PTPRT: variants seen among roughly 807,000 people sequenced by gnomAD.
The protein encoded by PTPRT is receptor-type tyrosine-protein phosphatase T.
In PTPRT, 56 loss-of-function variants were observed where a neutral mutation model predicts 176.8. That is an observed-to-expected ratio of 0.32 (90% CI 0.26 to 0.40). The LOEUF (loss-of-function observed/expected upper bound fraction) is 0.40, where lower values mean the gene tolerates loss of function less well. Among genes scored for constraint, PTPRT ranks in the 10% least tolerant of loss-of-function variants. The probability of loss-of-function intolerance (pLI) is 1.00; values close to 1 mark genes in which losing one functional copy is unlikely to be tolerated. For missense variants in PTPRT, 1,540 were observed against 1,908.2 expected (o/e 0.81, Z 3.60); for synonymous variants, 783 against 739.0 (o/e 1.06, Z -0.96).
At chr20:42,470,439 C>T (rs910915443) in intron 8 of PTPRT, among the ~76,000 whole-genome samples, 2 of 152,146 alleles carry the variant, frequency 1.3e-5, no homozygotes, top group Admixed American at 1.3e-4. Context: ...TCCCTCACTC[C>T]CCTCCCAGTC....
At chr20:42,963,959 T>C (rs1213226335) in intron 1 of PTPRT, among the ~76,000 whole-genome samples, 3 of 152,188 alleles carry the variant, frequency 2.0e-5, no homozygotes, top group African/African-American at 7.2e-5. Flanking sequence ...ATCCAGTTAT[T>C]GCTGCTGCCT....
chr20:42,043,508 G>A, the PTPRT span, among the ~76,000 whole-genome samples: 17 of 152,130 alleles, frequency 1.1e-4, no homozygotes, highest in Non-Finnish European at 1.5e-4. Flanking sequence ...TGAGTTCTCC[G>A]GTTCTCACTT....
intron 9 of PTPRT, among the ~76,000 whole-genome samples, chr20:42,392,274 C>G (rs866516848): frequency 1.3e-5 from 2 of 152,134 alleles, no homozygotes; most frequent in African/African-American, 4.8e-5. Context: ...TCCCTCTATT[C>G]TGTAAGTCAA....
At chr20:43,081,977 T>A (rs2011454340) in intron 1 of PTPRT, among the ~76,000 whole-genome samples, 1 of 152,220 alleles carries the variant, frequency 6.6e-6, no homozygotes, top group African/African-American at 2.4e-5. Context: ...CTTCCTGGAA[T>A]ATTGTGGTAT....
chr20:42,092,148 G>A (rs753993456), intron 27 of PTPRT, among the ~76,000 whole-genome samples: 37 of 152,296 alleles, frequency 2.4e-4, no homozygotes, highest in Non-Finnish European at 4.3e-4. Context: ...TGGGCAACAG[G>A]GTCAGGGGAA....
At chr20:43,016,628 C>G (rs1011025789) in intron 1 of PTPRT, among the ~76,000 whole-genome samples, 2 of 148,172 alleles carry the variant, frequency 1.3e-5, no homozygotes, top group Non-Finnish European at 3.0e-5. Context: ...CAACCTCCCC[C>G]TCTTGGCTTC....
intron 16 of PTPRT, among the ~76,000 whole-genome samples, chr20:42,175,346 C>T (rs1990247681): frequency 6.6e-6 from 1 of 152,174 alleles, no homozygotes; most frequent in Non-Finnish European, 1.5e-5. Flanking sequence ...AATTCTCGCC[C>T]ACCTGAGAAT....
In PTPRT at chr20:42,105,560, C is replaced by A. The variant is rs532088026; in HGVS notation, c.3391-842G>T. On this transcript the variant is annotated intron_variant, in intron 24 of 30. Coordinates refer to ENST00000373187, the MANE Select transcript of PTPRT (RefSeq NM_007050.6). Reference sequence around the variant, plus strand: ...ATAAATGTTTGTTGAGTGACTTTTTCTGCAGAACTTGGTCAGTTTCTCTAT... The same window carrying A: ...ATAAATGTTTGTTGAGTGACTTTTTATGCAGAACTTGGTCAGTTTCTCTAT... Among the ~76,000 whole-genome samples, 5 of 152,296 alleles carry A rather than the reference C, an allele frequency of 3.3e-5. No individual in the cohort carries two copies. In the South Asian group the frequency reaches 6.2e-4, roughly 19 times the overall value.
At chr20:43,183,568 T>G (rs562413839) in intron 1 of PTPRT, among the ~76,000 whole-genome samples, 1 of 152,368 alleles carries the variant, frequency 6.6e-6, no homozygotes, top group Non-Finnish European at 1.5e-5. Context: ...GGTACTATTC[T>G]ATACCTTTTA....
chr20:42,753,167 C>T (rs957486176), intron 6 of PTPRT, among the ~76,000 whole-genome samples: 2 of 152,106 alleles, frequency 1.3e-5, no homozygotes, highest in Admixed American at 6.5e-5. Flanking sequence ...AACAGCAAGA[C>T]CACAACCCAC....
At chr20:42,744,682 G>A (rs1016251848) in intron 6 of PTPRT, among the ~76,000 whole-genome samples, 1 of 152,138 alleles carries the variant, frequency 6.6e-6, no homozygotes, top group East Asian at 1.9e-4. Context: ...GGCCTGCTTA[G>A]CAGACAATTT....
intron 1 of PTPRT, among the ~76,000 whole-genome samples, chr20:42,967,440 G>A (rs1212884967): frequency 6.6e-6 from 1 of 152,114 alleles, no homozygotes; most frequent in East Asian, 1.9e-4. Flanking sequence ...TGGAGATCAA[G>A]GCAGAGAGGG....
intron 12 of PTPRT, among the ~76,000 whole-genome samples, chr20:42,311,996 T>C (rs2057639536): frequency 6.6e-6 from 1 of 152,246 alleles, no homozygotes; most frequent in Non-Finnish European, 1.5e-5. Flanking sequence ...GTTGATAAAA[T>C]AGTGAATTAT....
intron 1 of PTPRT, among the ~76,000 whole-genome samples, chr20:42,952,257 T>C (rs1981301035): frequency 6.6e-6 from 1 of 152,176 alleles, no homozygotes; most frequent in Non-Finnish European, 1.5e-5. Context: ...GGCCCATCCA[T>C]CGCAGTTGGC....
At chr20:42,662,483 A>T (rs1288046533) in intron 7 of PTPRT, among the ~76,000 whole-genome samples, 3 of 152,200 alleles carry the variant, frequency 2.0e-5, no homozygotes, top group Non-Finnish European at 4.4e-5. Flanking sequence ...GATAAAACCT[A>T]CCTCATGGGG....
intron 1 of PTPRT, among the ~76,000 whole-genome samples, chr20:42,938,991 G>A (rs1980379971): frequency 1.3e-5 from 2 of 152,192 alleles, no homozygotes; most frequent in South Asian, 2.1e-4. Flanking sequence ...CTTGAGAGGT[G>A]AGCAATAAAG....
In PTPRT at chr20:42,382,818, C is replaced by T. The variant is rs563844586; in HGVS notation, c.1561-30533G>A. ...TCCATGCCCTGCATAAATGGTGCCA[C>T]CCATAGGTGGTCACTATTGCTCCTG... On this transcript the variant is annotated intron_variant, in intron 9 of 30. Transcript: ENST00000373187. 3.3e-5 allele frequency among the ~76,000 whole-genome samples: 5 copies of T among 152,248 alleles called. No homozygotes were observed. The South Asian group carries it at 1.0e-3, about 32-fold the overall frequency.
chr20:42,569,864 A>G (rs2073124244), intron 7 of PTPRT, among the ~76,000 whole-genome samples: 1 of 152,158 alleles, frequency 6.6e-6, no homozygotes, highest in Non-Finnish European at 1.5e-5. Flanking sequence ...TCATTTATTT[A>G]TTTGTGTATT....
intron 2 of PTPRT, among the ~76,000 whole-genome samples, chr20:42,800,200 C>A (rs1569163897): frequency 6.6e-6 from 1 of 152,184 alleles, no homozygotes; most frequent in Non-Finnish European, 1.5e-5. Context: ...GTGACTTTTT[C>A]AAGGCCACAC....
Sources: allele counts gnomAD v4.1 joint callset (sites outside exome capture counted in the v4.1 genomes callset), GRCh38; gene constraint gnomAD v4.1.1; transcripts MANE v1.5; gene names NCBI Gene and HGNC (gene_info 2026-07-23, HGNC 2026-07-21).